TENM3: variants seen among roughly 807,000 people sequenced by gnomAD.
TENM3 encodes the protein teneurin-3.
In TENM3, 63 loss-of-function variants were observed where a neutral mutation model predicts 255.1. That is an observed-to-expected ratio of 0.25 (90% CI 0.20 to 0.30). The LOEUF (loss-of-function observed/expected upper bound fraction) is 0.30. TENM3 is among the 10% of genes least tolerant of loss of function. The probability of loss-of-function intolerance (pLI) is 1.00; values close to 1 mark genes in which losing one functional copy is unlikely to be tolerated. For synonymous variants in TENM3, 1,306 were observed against 1,322.3 expected (o/e 0.99, Z 0.27); for missense variants, 2,929 against 3,461.1 (o/e 0.85, Z 3.86).
chr4:182,504,031 T>C (rs1185945777), intron 3 of TENM3, among the ~76,000 whole-genome samples: 2 of 151,992 alleles, frequency 1.3e-5, no homozygotes, highest in African/African-American at 2.4e-5. Context: ...TTTTATTTTA[T>C]TTACTGCCTT....
At chr4:182,497,828 C>T (rs1023055461) in intron 3 of TENM3, among the ~76,000 whole-genome samples, 1 of 139,132 alleles carries the variant, frequency 7.2e-6, no homozygotes, top group South Asian at 2.3e-4. Context: ...TAGCATATAC[C>T]CCATCTCTAC....
At chr4:182,214,167 C>T (rs1379644651) in intron 1 of TENM3, among the ~76,000 whole-genome samples, 1 of 152,104 alleles carries the variant, frequency 6.6e-6, no homozygotes, top group African/African-American at 2.4e-5. Context: ...GGGTTTAAAT[C>T]TACATGAAAA....
At chr4:182,381,322 A>G (rs1330039352) in intron 3 of TENM3, among the ~76,000 whole-genome samples, 1 of 152,228 alleles carries the variant, frequency 6.6e-6, no homozygotes, top group East Asian at 1.9e-4. Flanking sequence ...ATCTCTGTCA[A>G]CATGTAAGGA....
chr4:182,762,356 T>A (rs1763270211), intron 22 of TENM3, among the ~76,000 whole-genome samples: 1 of 152,206 alleles, frequency 6.6e-6, no homozygotes, highest in Non-Finnish European at 1.5e-5. Flanking sequence ...TGGCCTCATA[T>A]CTGTGTGCAT....
intron 3 of TENM3, among the ~76,000 whole-genome samples, chr4:182,513,814 G>A (rs999191815): frequency 5.9e-5 from 9 of 152,124 alleles, no homozygotes; most frequent in African/African-American, 2.2e-4. Context: ...AACCCAGAGC[G>A]CACACCTCAA....
chr4:182,747,356 A>G (rs571064086), intron 19 of TENM3, among the ~76,000 whole-genome samples: 93 of 152,336 alleles, frequency 6.1e-4, no homozygotes, highest in African/African-American at 2.2e-3. Context: ...TATCAAACTA[A>G]TAAGCACCAC....
chr4:182,218,436 C>A (rs916943048), intron 1 of TENM3, among the ~76,000 whole-genome samples: 4 of 152,128 alleles, frequency 2.6e-5, no homozygotes, highest in African/African-American at 9.7e-5. Flanking sequence ...AGTAATTGTG[C>A]AAATTCATAT....
At chr4:181,603,879 C>T in the TENM3 span, among the ~76,000 whole-genome samples, 1 of 152,160 alleles carries the variant, frequency 6.6e-6, no homozygotes, top group Non-Finnish European at 1.5e-5. Flanking sequence ...AAAGAAATTC[C>T]TATTGTGGAT....
At chr4:181,470,596 T>C in the TENM3 span, among the ~76,000 whole-genome samples, 1 of 152,280 alleles carries the variant, frequency 6.6e-6, no homozygotes, top group Admixed American at 6.5e-5. Flanking sequence ...CATTTCTTCC[T>C]CAGGATTTCC....
chr4:182,211,300 T>C (rs1001366968), intron 1 of TENM3, among the ~76,000 whole-genome samples: 1 of 152,220 alleles, frequency 6.6e-6, no homozygotes, highest in African/African-American at 2.4e-5. Context: ...GTCTTTTCTT[T>C]TTCTAGTAGA....
intron 3 of TENM3, among the ~76,000 whole-genome samples, chr4:182,359,319 G>GGA (rs1765792369): frequency 6.6e-6 from 1 of 152,048 alleles, no homozygotes; most frequent in African/African-American, 2.4e-5. Context: ...TGCACCTCTG[G>GGA]GAGAATTCGG....
intron 4 of TENM3, among the ~76,000 whole-genome samples, chr4:182,605,534 T>A: frequency 6.7e-6 from 1 of 150,276 alleles, no homozygotes; most frequent in Non-Finnish European, 1.5e-5. Context: ...TACTAATGAA[T>A]AGTAAAAAAT....
chr4:182,040,885 G>C, the TENM3 span, among the ~76,000 whole-genome samples: 6 of 152,064 alleles, frequency 3.9e-5, no homozygotes, highest in Non-Finnish European at 5.9e-5. Context: ...GGAAAGAAGG[G>C]GGACAGAGAA....
chr4:182,198,717 A>G (rs1261059395), intron 1 of TENM3, among the ~76,000 whole-genome samples: 1 of 152,200 alleles, frequency 6.6e-6, no homozygotes, highest in Non-Finnish European at 1.5e-5. Context: ...GACTGTTTTC[A>G]GCTCCTGGCT....
intron 3 of TENM3, among the ~76,000 whole-genome samples, chr4:182,372,319 A>T (rs936297839): frequency 1.3e-5 from 2 of 152,206 alleles, no homozygotes; most frequent in African/African-American, 4.8e-5. Context: ...TGAAAAACAT[A>T]AACCAGTAGT....
At chr4:181,571,382 G>A in the TENM3 span, among the ~76,000 whole-genome samples, 1 of 152,030 alleles carries the variant, frequency 6.6e-6, no homozygotes, top group Admixed American at 6.6e-5. Flanking sequence ...TGTTGCCCAG[G>A]CTGGAGTGTA....
At chr4:181,817,088 A>G in the TENM3 span, among the ~76,000 whole-genome samples, 299 of 152,334 alleles carry the variant, frequency 2.0e-3, 1 homozygote, top group Admixed American at 5.0e-3. Context: ...TCGCTATGCC[A>G]TGCTGCATCC....
chr4:182,617,363 T>G (rs766874264), intron 4 of TENM3, among the ~76,000 whole-genome samples: 5 of 152,220 alleles, frequency 3.3e-5, no homozygotes, highest in Admixed American at 6.5e-5. Flanking sequence ...ATTGTCTTGA[T>G]ATCATCAAGT....
the TENM3 span, among the ~76,000 whole-genome samples, chr4:181,518,537 C>A: frequency 6.6e-6 from 1 of 152,148 alleles, no homozygotes; most frequent in Non-Finnish European, 1.5e-5. Context: ...AAGCGATTCT[C>A]CTGCCTCAGC....
Sources: gnomAD v4.1 joint callset for allele counts (sites outside exome capture counted in the v4.1 genomes callset) on GRCh38, gnomAD v4.1.1 for gene constraint, MANE v1.5 for transcripts, NCBI Gene and HGNC (gene_info 2026-07-23, HGNC 2026-07-21) for gene names.